KCNIP1: variants seen among roughly 807,000 people sequenced by gnomAD.
KCNIP1 encodes A-type potassium channel modulatory protein KCNIP1.
KCNIP1 carries 18 observed loss-of-function variants against 33.0 expected under a neutral mutation model. The ratio of observed to expected loss-of-function variants is 0.55; its 90% CI spans 0.38 to 0.81. The LOEUF is 0.81. Among genes scored for constraint, KCNIP1 ranks in the 30% least tolerant of loss-of-function variants. The pLI is 0.00. For missense variants in KCNIP1, 238 were observed against 271.6 expected (o/e 0.88, Z 0.87); for synonymous variants, 93 against 98.3 (o/e 0.95, Z 0.32).
chr5:170,626,116 AAGC>A (rs1427526120), intron 1 of KCNIP1, among the ~76,000 whole-genome samples: 1 of 152,180 alleles, frequency 6.6e-6, no homozygotes, highest in African/African-American at 2.4e-5. Flanking sequence ...GGAAGGTTTG[AAGC>A]AGAGGAGGGA....
intron 1 of KCNIP1, among the ~76,000 whole-genome samples, chr5:170,490,827 C>A (rs1377871528): frequency 1.3e-5 from 2 of 152,214 alleles, no homozygotes; most frequent in Non-Finnish European, 2.9e-5. Context: ...CTTCTCTCTG[C>A]ACCTTGAGCA....
At chr5:170,390,036 C>T (rs10065969) in intron 1 of KCNIP1, among the ~76,000 whole-genome samples, 18 of 152,014 alleles carry the variant, frequency 1.2e-4, no homozygotes, top group Non-Finnish European at 2.2e-4. Flanking sequence ...GAGAGCTCCA[C>T]AACTGCTTCC....
chr5:170,383,752 C>A (rs778187074), intron 1 of KCNIP1: 1 of 1,614,218 alleles, frequency 6.2e-7, no homozygotes, highest in Non-Finnish European at 8.5e-7. Context: ...CACGTTGACC[C>A]ACAGGCATGG....
intron 1 of KCNIP1, among the ~76,000 whole-genome samples, chr5:170,507,484 G>A (rs996633624): frequency 6.6e-6 from 1 of 152,256 alleles, no homozygotes; most frequent in African/African-American, 2.4e-5. Context: ...GAAGTAGGCA[G>A]TACATCTGAG....
At chr5:170,463,685 C>T (rs1451517169) in intron 1 of KCNIP1, among the ~76,000 whole-genome samples, 1 of 152,082 alleles carries the variant, frequency 6.6e-6, no homozygotes, top group African/African-American at 2.4e-5. Flanking sequence ...TGATAAAGGA[C>T]ATCTACCAAA....
intron 1 of KCNIP1, among the ~76,000 whole-genome samples, chr5:170,618,470 GGAAA>G (rs1220508742): frequency 1.5e-5 from 2 of 131,008 alleles, no homozygotes; most frequent in African/African-American, 2.9e-5. Flanking sequence ...AGAAAAGAAA[GGAAA>G]GAAGGAAGGA....
intron 5 of KCNIP1, among the ~76,000 whole-genome samples, chr5:170,727,415 T>C (rs148807850): frequency 6.6e-6 from 1 of 152,306 alleles, no homozygotes; most frequent in Non-Finnish European, 1.5e-5. Context: ...TCAACATTCA[T>C]CAAACAGTAC....
At chr5:170,359,542 A>G (rs1763444692) in intron 1 of KCNIP1, among the ~76,000 whole-genome samples, 1 of 152,134 alleles carries the variant, frequency 6.6e-6, no homozygotes, top group African/African-American at 2.4e-5. Context: ...CACTCTGGTC[A>G]TGTTACAACA....
chr5:170,701,663 A>C (rs770762923), intron 1 of KCNIP1, among the ~76,000 whole-genome samples: 1 of 152,228 alleles, frequency 6.6e-6, no homozygotes, highest in African/African-American at 2.4e-5. Context: ...AAAGGCACTC[A>C]TTAAGAAGCT....
chr5:170,388,175 G>A (rs1028497692), intron 1 of KCNIP1, among the ~76,000 whole-genome samples: 11 of 152,254 alleles, frequency 7.2e-5, no homozygotes, highest in Middle Eastern at 3.2e-3. Flanking sequence ...CCCTGTCACA[G>A]AGAAGTCTGG....
chr5:170,593,886 A>G (rs1204093640), intron 1 of KCNIP1, among the ~76,000 whole-genome samples: 1 of 152,226 alleles, frequency 6.6e-6, no homozygotes, highest in Non-Finnish European at 1.5e-5. Context: ...AAAGAAGAGG[A>G]TGCCTGAGGT....
intron 1 of KCNIP1, among the ~76,000 whole-genome samples, chr5:170,633,143 C>G (rs537527440): frequency 6.6e-6 from 1 of 152,258 alleles, no homozygotes; most frequent in East Asian, 1.9e-4. Context: ...CGGGGTCTCT[C>G]CAGCAAGGAT....
chr5:170,684,367 C>T (rs1010012293), intron 1 of KCNIP1, among the ~76,000 whole-genome samples: 1 of 152,172 alleles, frequency 6.6e-6, no homozygotes, highest in Non-Finnish European at 1.5e-5. Flanking sequence ...AGTCTAAAGT[C>T]TCTAGAGAAG....
intron 1 of KCNIP1, chr5:170,389,365 C>T (rs1764619733): frequency 6.6e-6 from 1 of 151,856 alleles, no homozygotes; most frequent in Admixed American, 6.6e-5. Context: ...GAAGTTTGGC[C>T]TCCCCGCCCG....
At chr5:170,442,210 T>C (rs1435118646) in intron 1 of KCNIP1, among the ~76,000 whole-genome samples, 1 of 152,024 alleles carries the variant, frequency 6.6e-6, no homozygotes, top group Non-Finnish European at 1.5e-5. Context: ...GAGACAGCGT[T>C]GCAAAGACCC....
chr5:170,547,443 C>T (rs1756456364), intron 1 of KCNIP1, among the ~76,000 whole-genome samples: 1 of 152,120 alleles, frequency 6.6e-6, no homozygotes, highest in South Asian at 2.1e-4. Flanking sequence ...AAATATGTGT[C>T]ATGGGGGTTT....
intron 5 of KCNIP1, among the ~76,000 whole-genome samples, chr5:170,723,723 A>T (rs1561784801): frequency 6.6e-6 from 1 of 152,140 alleles, no homozygotes; most frequent in African/African-American, 2.4e-5. Context: ...CAGCATAGAG[A>T]GATGGACAAT....
chr5:170,457,951 C>T (rs1156543056), intron 1 of KCNIP1, among the ~76,000 whole-genome samples: 1 of 152,046 alleles, frequency 6.6e-6, no homozygotes, highest in African/African-American at 2.4e-5. Context: ...AAAAATGATA[C>T]AACAGGTGAA....
Position 170,530,576 on chromosome 5 carries a change from G to A in KCNIP1, c.61+25943G>A, listed in dbSNP as rs115913912. 6.8e-3 allele frequency among the ~76,000 whole-genome samples: 1,030 copies of A among 152,308 alleles called. 12 individuals are homozygous for A. Among genetic ancestry groups the A allele is most frequent in the African/African-American group, 0.024 (989 of 41,572 alleles). ...CCTTGGCAATCTTGCCAACCTTGGGGCTCAAAATTCAGTTTATGGCTTCCC... is the reference window on the plus strand; with the variant it reads ...CCTTGGCAATCTTGCCAACCTTGGGACTCAAAATTCAGTTTATGGCTTCCC... On this transcript the variant is annotated intron_variant, in intron 1 of 7. Coordinates refer to ENST00000328939, the MANE Select transcript of KCNIP1 (RefSeq NM_014592.4).
Sources: allele counts gnomAD v4.1 joint callset (sites outside exome capture counted in the v4.1 genomes callset), GRCh38; gene constraint gnomAD v4.1.1; transcripts MANE v1.5; gene names NCBI Gene and HGNC (gene_info 2026-07-23, HGNC 2026-07-21).